GRID2: variants seen among roughly 807,000 people sequenced by gnomAD.
The protein encoded by GRID2 is glutamate ionotropic receptor delta type subunit 2, also known as glutamate receptor ionotropic, delta-2.
Under a neutral mutation model 114.8 loss-of-function variants are expected in GRID2, and 33 were observed. The observed-to-expected ratio is 0.29, with a 90% CI of 0.22 to 0.38. The LOEUF (loss-of-function observed/expected upper bound fraction) is 0.38, where lower values mean the gene tolerates loss of function less well. GRID2 is among the 10% of genes least tolerant of loss of function. The pLI is 1.00. For synonymous variants in GRID2, 505 were observed against 449.9 expected, an observed-to-expected ratio of 1.12 and a Z score of -1.55; for missense variants, 1,184 against 1,257.7, an observed-to-expected ratio of 0.94 and a Z score of 0.89.
intron 9 of GRID2, among the ~76,000 whole-genome samples, chr4:93,412,590 T>C (rs576850628): frequency 6.6e-6 from 1 of 150,546 alleles, no homozygotes; most frequent in Admixed American, 6.6e-5. Flanking sequence ...TTTCTTTTTC[T>C]TTTATTTTAC....
At position 92,422,532 on chromosome 4, in the gene GRID2, C is replaced by T. The variant is rs568880461; in HGVS notation, c.88+117788C>T. Among the ~76,000 whole-genome samples the T allele has an allele frequency of 7.6e-4, 115 of 152,090 alleles. 1 individual carries two copies. The highest frequency in any genetic ancestry group is 7.8e-4 in the Non-Finnish European group (53 of 67,988). On this transcript the variant is annotated intron_variant, in intron 1 of 15. Transcript: ENST00000282020. ...GGGGAAGGGGAAGCCAGTGAGCCAGCGGTGTTAATTAGTTAGGTAGGAGAT... is the reference window on the plus strand; with the variant it reads ...GGGGAAGGGGAAGCCAGTGAGCCAGTGGTGTTAATTAGTTAGGTAGGAGAT...
intron 9 of GRID2, among the ~76,000 whole-genome samples, chr4:93,411,686 C>T (rs987956878): frequency 5.3e-5 from 8 of 152,006 alleles, no homozygotes; most frequent in African/African-American, 1.9e-4. Context: ...CCTGCCTCGG[C>T]CTCCCAAAGT....
At chr4:93,107,530 A>G (rs1553988650) in intron 3 of GRID2, among the ~76,000 whole-genome samples, 1 of 152,110 alleles carries the variant, frequency 6.6e-6, no homozygotes, top group Non-Finnish European at 1.5e-5. Flanking sequence ...TTACTAGATC[A>G]ATTTATTTAT....
At chr4:93,690,361 G>T (rs1259633249) in intron 14 of GRID2, among the ~76,000 whole-genome samples, 1 of 151,950 alleles carries the variant, frequency 6.6e-6, no homozygotes, top group African/African-American at 2.4e-5. Context: ...ATGTACTTCT[G>T]TGTTATTTAA....
intron 2 of GRID2, among the ~76,000 whole-genome samples, chr4:92,703,617 T>TTA (rs3971001): frequency 0.048 from 6,798 of 140,858 alleles, 169 homozygotes; most frequent in Admixed American, 0.087. Flanking sequence ...AGGAAAAACA[T>TTA]TATATATATA....
chr4:93,036,137 C>G (rs896519530), intron 2 of GRID2, among the ~76,000 whole-genome samples: 1 of 151,950 alleles, frequency 6.6e-6, no homozygotes, highest in African/African-American at 2.4e-5. Flanking sequence ...TTAGATTTCT[C>G]CCTTAGCCTT....
chr4:92,968,469 C>T (rs1050044111), intron 2 of GRID2, among the ~76,000 whole-genome samples: 6 of 151,758 alleles, frequency 4.0e-5, no homozygotes, highest in Non-Finnish European at 7.4e-5. Flanking sequence ...CTAGCAAAAA[C>T]CACCTCTTTT....
rs541027013 is a variant in GRID2, at chr4:92,547,927, C to A, written c.89-42204C>A. ...AGTAGATTCCAACAGGATTAGTCTA[C>A]TACTGTGAAATGGAAGAAGTAAATA... is the stretch of plus-strand genomic sequence containing the variant. On this transcript the variant is annotated intron_variant, in intron 1 of 15. Transcript: ENST00000282020. Among the ~76,000 whole-genome samples, 29 of 152,170 alleles carry A rather than the reference C, an allele frequency of 1.9e-4. 1 individual carries two copies. The South Asian group carries it at 5.4e-3, about 28-fold the overall frequency.
chr4:92,788,084 T>A (rs1381549626), intron 2 of GRID2, among the ~76,000 whole-genome samples: 3 of 151,688 alleles, frequency 2.0e-5, no homozygotes. Flanking sequence ...ATAGATGGAA[T>A]TTCAAACCAT....
chr4:93,692,981 T>C (rs1383486413), intron 14 of GRID2, among the ~76,000 whole-genome samples: 1 of 152,210 alleles, frequency 6.6e-6, no homozygotes, highest in East Asian at 1.9e-4. Context: ...GGTGAAAAGA[T>C]GCTATTCATG....
At chr4:93,086,618 C>G (rs1475547393) in intron 3 of GRID2, among the ~76,000 whole-genome samples, 1 of 152,154 alleles carries the variant, frequency 6.6e-6, no homozygotes, top group Non-Finnish European at 1.5e-5. Flanking sequence ...ACTCCTTTGT[C>G]TCCAAGACGG....
intron 2 of GRID2, among the ~76,000 whole-genome samples, chr4:92,854,354 C>G (rs1161184426): frequency 2.0e-5 from 3 of 152,004 alleles, no homozygotes; most frequent in Non-Finnish European, 4.4e-5. Flanking sequence ...TTTTTCCCTT[C>G]TCTGAATTCT....
At chr4:93,573,385 A>T (rs1736115176) in intron 13 of GRID2, among the ~76,000 whole-genome samples, 1 of 152,194 alleles carries the variant, frequency 6.6e-6, no homozygotes, top group Non-Finnish European at 1.5e-5. Flanking sequence ...ATGTTAATGT[A>T]TATCATCTTT....
intron 2 of GRID2, among the ~76,000 whole-genome samples, chr4:92,984,864 T>A (rs1754411607): frequency 6.6e-6 from 1 of 152,184 alleles, no homozygotes; most frequent in African/African-American, 2.4e-5. Context: ...AAAATTAAAT[T>A]TGGATTATAC....
intron 2 of GRID2, among the ~76,000 whole-genome samples, chr4:92,733,889 T>C (rs931938381): frequency 7.2e-5 from 11 of 152,038 alleles, no homozygotes; most frequent in African/African-American, 2.7e-4. Context: ...CAGATTGTTC[T>C]ACTCCCTCAA....
chr4:93,647,713 C>A (rs746509448), intron 14 of GRID2, among the ~76,000 whole-genome samples: 1 of 152,248 alleles, frequency 6.6e-6, no homozygotes, highest in African/African-American at 2.4e-5. Context: ...GACTGTGTAC[C>A]TAATGGGATG....
intron 1 of GRID2, among the ~76,000 whole-genome samples, chr4:92,401,694 G>A (rs988770721): frequency 7.9e-5 from 12 of 152,144 alleles, no homozygotes; most frequent in African/African-American, 2.9e-4. Context: ...TAAAAATGCT[G>A]ACTATCATCT....
intron 8 of GRID2, among the ~76,000 whole-genome samples, chr4:93,375,110 A>T (rs1254206852): frequency 1.3e-5 from 2 of 151,982 alleles, no homozygotes; most frequent in Non-Finnish European, 2.9e-5. Flanking sequence ...AACCTAATCC[A>T]TCACTGCAGC....
chr4:93,160,488 T>A (rs1737591225), intron 4 of GRID2, among the ~76,000 whole-genome samples: 1 of 151,814 alleles, frequency 6.6e-6, no homozygotes, highest in South Asian at 2.1e-4. Flanking sequence ...GTGATGACAA[T>A]GCTAAAAAAT....
Sources: gnomAD v4.1 joint callset for allele counts (sites outside exome capture counted in the v4.1 genomes callset) on GRCh38, gnomAD v4.1.1 for gene constraint, MANE v1.5 for transcripts, NCBI Gene and HGNC (gene_info 2026-07-23, HGNC 2026-07-21) for gene names.